RASGEF1A: variants seen among roughly 807,000 people sequenced by gnomAD.
RASGEF1A encodes the protein RasGEF domain family member 1A.
RASGEF1A carries 18 observed loss-of-function variants against 56.4 expected under a neutral mutation model. The ratio of observed to expected loss-of-function variants is 0.32; its 90% confidence interval spans 0.22 to 0.47. The LOEUF (loss-of-function observed/expected upper bound fraction) is 0.47. RASGEF1A is among the 20% of genes least tolerant of loss of function. The pLI is 1.00. For synonymous variants in RASGEF1A, 245 were observed against 242.6 expected (o/e 1.01, Z -0.09); for missense variants, 422 against 627.1 (o/e 0.67, Z 3.49).
At chr10:43,215,943 G>A (rs1436449841) in intron 1 of RASGEF1A, among the ~76,000 whole-genome samples, 1 of 152,228 alleles carries the variant, frequency 6.6e-6, no homozygotes, top group Admixed American at 6.5e-5. Context: ...AGGAGCTTCT[G>A]GGAAAGGACG....
At chr10:43,197,130 C>A in intron 10 of RASGEF1A, 31 bp from the exon 11 acceptor site, 1 of 1,610,364 alleles carries the variant, frequency 6.2e-7, no homozygotes, top group Non-Finnish European at 8.5e-7. Flanking sequence ...TGATGTTCAT[C>A]TGTCACCTTA....
At chr10:43,219,430 C>G (rs908309684) in intron 1 of RASGEF1A, among the ~76,000 whole-genome samples, 14 of 152,322 alleles carry the variant, frequency 9.2e-5, no homozygotes, top group African/African-American at 3.4e-4. Flanking sequence ...AATCACCCCT[C>G]TGGGGTCCCT....
At chr10:43,210,122 G>T (rs1840045383) in intron 1 of RASGEF1A, among the ~76,000 whole-genome samples, 2 of 152,154 alleles carry the variant, frequency 1.3e-5, no homozygotes, top group Non-Finnish European at 1.5e-5. Context: ...TGAATGGAAG[G>T]CCCGGGAAGC....
chr10:43,229,085 T>C (rs1349965980), intron 1 of RASGEF1A, among the ~76,000 whole-genome samples: 1 of 152,180 alleles, frequency 6.6e-6, no homozygotes, highest in Non-Finnish European at 1.5e-5. Flanking sequence ...GTTCTCCGCC[T>C]GCACCCTACA....
At chr10:43,264,997 C>T (rs981643613) in intron 1 of RASGEF1A, among the ~76,000 whole-genome samples, 27 of 152,176 alleles carry the variant, frequency 1.8e-4, no homozygotes, top group African/African-American at 6.0e-4. Context: ...TGGGGACCGG[C>T]GTGCTCAGGG....
chr10:43,234,153 C>T (rs1840404067), intron 1 of RASGEF1A, among the ~76,000 whole-genome samples: 1 of 152,212 alleles, frequency 6.6e-6, no homozygotes, highest in South Asian at 2.1e-4. Flanking sequence ...TACACTGTGG[C>T]TCTGGCTCAG....
At chr10:43,231,944 A>T (rs1042354106) in intron 1 of RASGEF1A, among the ~76,000 whole-genome samples, 1 of 152,266 alleles carries the variant, frequency 6.6e-6, no homozygotes, top group Non-Finnish European at 1.5e-5. Context: ...CCAGACACAC[A>T]GGAAGAGGCA....
rs775128646 is a variant in RASGEF1A, at chr10:43,203,375, G to A, written c.244C>T (p.Pro82Ser). 1.9e-6 allele frequency: 3 copies of A among 1,587,420 alleles called. No homozygotes were observed. Among genetic ancestry groups the A allele is most frequent in the Non-Finnish European group, 2.6e-6 (3 of 1,167,298 alleles). ...TFLLSSRVFM[P>S]PHDLLARVGQ... ...ACGCGGGCCAGCAGGTCATGAGGGG[G>A]CATAAAGACCCGGGAGCTCAGGAGA... The change falls in exon 3 of 13, where the codon CCC becomes TCC. Residue 82 changes from proline to serine, a missense_variant. Pro to Ser is a moderately conservative substitution (Grantham distance 74, BLOSUM62 -1). This residue lies in a region of RASGEF1A where 273 missense variants were observed against 339.9 expected (regional missense o/e 0.80). Coordinates refer to ENST00000395810, the MANE Select transcript of RASGEF1A (RefSeq NM_145313.4).
intron 2 of RASGEF1A, among the ~76,000 whole-genome samples, chr10:43,205,597 C>T (rs1249634351): frequency 6.6e-6 from 1 of 152,176 alleles, no homozygotes; most frequent in Non-Finnish European, 1.5e-5. Context: ...CCTCTTCCTC[C>T]TTGGAGGCCC....
intron 1 of RASGEF1A, among the ~76,000 whole-genome samples, chr10:43,242,475 C>A (rs545411588): frequency 6.6e-6 from 1 of 152,194 alleles, no homozygotes; most frequent in African/African-American, 2.4e-5. Context: ...GACAGTAGGT[C>A]AGTTAAAAAA....
chr10:43,206,023 C>A lies in RASGEF1A; in HGVS notation c.94G>T (p.Gly32Cys), dbSNP rs117610424. The A allele has an allele frequency of 2.1e-5, 33 of 1,607,778 alleles. No homozygotes were observed. Among genetic ancestry groups the A allele is most frequent in the Middle Eastern group, 3.3e-4 (2 of 6,064 alleles). ...PGMGERGGGA[G>C]GGSGDLIFQD... ...AAGATGAGGTCCCCGGAGCCGCCAC[C>A]GGCCCCGCCTCCACGCTCCCCCATG... Residue 32 changes from glycine (G) to cysteine (C), a missense_variant, in exon 2 of 13, where the codon GGT becomes TGT. Around this residue, in one of 2 missense-constraint regions of RASGEF1A, gnomAD observed 273 missense variants for 339.9 expected, o/e 0.80. Transcript: ENST00000395810.
chr10:43,240,236 G>A (rs891442848), intron 1 of RASGEF1A, among the ~76,000 whole-genome samples: 9 of 152,228 alleles, frequency 5.9e-5, no homozygotes, highest in African/African-American at 9.6e-5. Flanking sequence ...TTATTTGACC[G>A]CTAAGATAAC....
intron 1 of RASGEF1A, among the ~76,000 whole-genome samples, chr10:43,223,724 A>G (rs1840237789): frequency 6.6e-6 from 1 of 152,140 alleles, no homozygotes; most frequent in Non-Finnish European, 1.5e-5. Flanking sequence ...TCTAATCAAC[A>G]AAAGGAAAGA....
intron 1 of RASGEF1A, among the ~76,000 whole-genome samples, chr10:43,241,906 G>A (rs752966709): frequency 2.0e-5 from 3 of 152,236 alleles, no homozygotes; most frequent in Non-Finnish European, 4.4e-5. Context: ...GGGAGGCTAA[G>A]GTGGGTGGAT....
At chr10:43,242,337 T>C (rs1314469944) in intron 1 of RASGEF1A, among the ~76,000 whole-genome samples, 1 of 152,126 alleles carries the variant, frequency 6.6e-6, no homozygotes, top group Non-Finnish European at 1.5e-5. Flanking sequence ...AACAAATATA[T>C]ACCTAACAAC....
intron 1 of RASGEF1A, among the ~76,000 whole-genome samples, chr10:43,259,884 G>T (rs1836495171): frequency 1.3e-5 from 2 of 152,088 alleles, no homozygotes; most frequent in Non-Finnish European, 2.9e-5. Context: ...GCAGGAAGGG[G>T]GATGGCCAGC....
intron 1 of RASGEF1A, chr10:43,229,839 G>A (rs1254055234): frequency 2.2e-6 from 2 of 905,940 alleles, no homozygotes; most frequent in African/African-American, 3.5e-5. Flanking sequence ...CGGGGTCCGG[G>A]CGGGGCAGAG....
At position 43,215,244 on chromosome 10, in the gene RASGEF1A, G is replaced by T. The variant is rs190408945; in HGVS notation, c.-6-9122C>A. Among the ~76,000 whole-genome samples, 93 of 152,264 alleles carry T rather than the reference G, an allele frequency of 6.1e-4. 1 individual carries two copies. The highest frequency in any genetic ancestry group is 3.4e-3 in the Middle Eastern group (1 of 292). On this transcript the variant is annotated intron_variant, in intron 1 of 12. Transcript: ENST00000395810. Reference sequence around the variant, plus strand: ...AGGGATCTGCCAGGAGGTGGAGGAGGGGTTCGAGCCAGCCCCCTGCCTCTG... The same window carrying T: ...AGGGATCTGCCAGGAGGTGGAGGAGTGGTTCGAGCCAGCCCCCTGCCTCTG...
At position 43,237,669 on chromosome 10, in the gene RASGEF1A, G is replaced by A. The variant is rs375157483; in HGVS notation, c.-7+29176C>T. 5.3e-5 allele frequency among the ~76,000 whole-genome samples: 8 copies of A among 152,100 alleles called. No individual in the cohort carries two copies. The East Asian group carries it at 7.7e-4, about 15-fold the overall frequency. ...CAGAGGCACCAGGCTAACGCACGGCGTGGGTTCCAACCAAGCCCAGGCCTG... is the reference window on the plus strand; with the variant it reads ...CAGAGGCACCAGGCTAACGCACGGCATGGGTTCCAACCAAGCCCAGGCCTG... On this transcript the variant is annotated intron_variant, in intron 1 of 12. Transcript: ENST00000395810.
Sources: gnomAD v4.1 joint callset for allele counts (sites outside exome capture counted in the v4.1 genomes callset) on GRCh38, gnomAD v4.1.1 for gene constraint, gnomAD v4.1.1 regional missense constraint, MANE v1.5 for transcripts, NCBI Gene and HGNC (gene_info 2026-07-23, HGNC 2026-07-21) for gene names.